Variants in PATJ observed in about 807,000 individuals in gnomAD.
The protein encoded by PATJ is PATJ crumbs cell polarity complex component.
In PATJ, 190 loss-of-function variants were observed where a neutral mutation model predicts 224.9. That is an observed-to-expected ratio of 0.84 (90% CI 0.75 to 0.95). The LOEUF (loss-of-function observed/expected upper bound fraction) is 0.95. Ranked by LOEUF, PATJ falls within the 40% of genes least tolerant of loss-of-function variation. The pLI is 0.00. For missense variants in PATJ, 2,121 were observed against 2,270.3 expected, an observed-to-expected ratio of 0.93 and a Z score of 1.34; for synonymous variants, 769 against 820.3, an observed-to-expected ratio of 0.94 and a Z score of 1.07.
At chr1:62,129,026 C>T in intron 41 of PATJ, 81 bp downstream of exon 41, 1 of 831,676 alleles carries the variant, frequency 1.2e-6, no homozygotes, top group Non-Finnish European at 2.0e-6. Context: ...TGGCAGTAGA[C>T]ATCGCCACCC....
At chr1:61,848,962 A>G (rs199939381) in intron 17 of PATJ, among the ~76,000 whole-genome samples, 1 of 152,202 alleles carries the variant, frequency 6.6e-6, no homozygotes, top group East Asian at 1.9e-4. Flanking sequence ...TTACAGAGCT[A>G]ACTATTCATG....
chr1:61,956,995 T>C (rs1482657561), intron 27 of PATJ, among the ~76,000 whole-genome samples: 3 of 152,332 alleles, frequency 2.0e-5, no homozygotes, highest in Middle Eastern at 3.4e-3. Flanking sequence ...CTCCTGTTTC[T>C]TTCGCTTTGC....
At chr1:61,821,334 A>G (rs1657229184) in intron 14 of PATJ, among the ~76,000 whole-genome samples, 2 of 152,314 alleles carry the variant, frequency 1.3e-5, no homozygotes, top group African/African-American at 2.4e-5. Context: ...GTGAGCTATC[A>G]TGCCCGGCCG....
intron 27 of PATJ, among the ~76,000 whole-genome samples, chr1:61,974,446 T>A: frequency 7.3e-6 from 1 of 137,526 alleles, no homozygotes; most frequent in Admixed American, 8.2e-5. Context: ...AGAGTTTCGC[T>A]CTTGTTGCCA....
intron 17 of PATJ, among the ~76,000 whole-genome samples, chr1:61,851,606 A>T (rs1662813990): frequency 6.6e-6 from 1 of 152,180 alleles, no homozygotes; most frequent in South Asian, 2.1e-4. Flanking sequence ...TTTATCTTGA[A>T]GGCAGTAGGT....
Position 62,024,967 on chromosome 1 carries a change from G to C in PATJ, c.3959+7020G>C, listed in dbSNP as rs143994379. Among the ~76,000 whole-genome samples, 205 of 152,194 alleles carry C rather than the reference G, an allele frequency of 1.3e-3. 2 individuals carry two copies. The highest frequency in any genetic ancestry group is 3.4e-3 in the Middle Eastern group (1 of 294). ...CTGTTTCCTACTTCCTTGTCCTCTG[G>C]AAGTCTCTTAGTTCCCAACTGTCCC... On this transcript the variant is annotated intron_variant, in intron 29 of 43. Transcript: ENST00000642238.
At chr1:62,030,943 G>T (rs1011830871) in intron 29 of PATJ, among the ~76,000 whole-genome samples, 2 of 152,122 alleles carry the variant, frequency 1.3e-5, no homozygotes, top group African/African-American at 4.8e-5. Context: ...GTTGTTTCCA[G>T]TTTTTAGTTA....
Position 62,091,390 on chromosome 1 carries a change from G to T in PATJ, c.4377+6742G>T, listed in dbSNP as rs77579908. Among the ~76,000 whole-genome samples the T allele has an allele frequency of 3.1e-3, 466 of 152,256 alleles. 18 individuals are homozygous for T. In the East Asian group the frequency reaches 0.079, roughly 26 times the overall value. On this transcript the variant is annotated intron_variant, in intron 33 of 43. Transcript: ENST00000642238. ...TCTGCTTCTTCATTTGTGCCACTGT[G>T]GTGATAACAAAAATCTACCTCTTAA...
At chr1:61,975,068 C>T (rs1644056306) in intron 27 of PATJ, among the ~76,000 whole-genome samples, 1 of 152,030 alleles carries the variant, frequency 6.6e-6, no homozygotes, top group South Asian at 2.1e-4. Flanking sequence ...CTTCAGCCTC[C>T]TGAGTAGCTG....
intron 21 of PATJ, among the ~76,000 whole-genome samples, chr1:61,879,997 C>T (rs1667875517): frequency 6.6e-6 from 1 of 152,230 alleles, no homozygotes. Flanking sequence ...CGCCACCACA[C>T]CTGGCTAATT....
intron 27 of PATJ, among the ~76,000 whole-genome samples, chr1:61,954,612 G>C (rs1046200948): frequency 1.4e-3 from 206 of 152,242 alleles, no homozygotes; most frequent in African/African-American, 4.7e-3. Flanking sequence ...TGCAGAGACT[G>C]CCTCTTTTTT....
intron 27 of PATJ, among the ~76,000 whole-genome samples, chr1:61,961,287 A>G (rs1212720722): frequency 1.3e-5 from 2 of 152,172 alleles, no homozygotes; most frequent in East Asian, 3.9e-4. Flanking sequence ...CAGTGTACAT[A>G]CTGCACAACC....
At chr1:61,954,108 G>C (rs1217337177) in intron 27 of PATJ, among the ~76,000 whole-genome samples, 1 of 152,142 alleles carries the variant, frequency 6.6e-6, no homozygotes, top group East Asian at 1.9e-4. Flanking sequence ...TACTTTTTCA[G>C]TGTTCATGAT....
At chr1:62,100,558 G>T (rs1183544308) in intron 33 of PATJ, 2 of 560,232 alleles carry the variant, frequency 3.6e-6, no homozygotes, top group South Asian at 2.7e-5. Flanking sequence ...TGTCACAATG[G>T]CAATTAAATT....
intron 24 of PATJ, among the ~76,000 whole-genome samples, chr1:61,904,356 C>T (rs1434564019): frequency 6.6e-6 from 1 of 152,026 alleles, no homozygotes; most frequent in African/African-American, 2.4e-5. Flanking sequence ...CACTCGGTCA[C>T]CTCCAATTTT....
At position 61,894,031 on chromosome 1, in the gene PATJ, G is replaced by A. The variant is rs973357136; in HGVS notation, c.3132-5552G>A. On this transcript the variant is annotated intron_variant, in intron 22 of 43. Coordinates refer to ENST00000642238, the MANE Select transcript of PATJ (RefSeq NM_001350145.3). ...GCACTTCGGGAGGCTGAGGCGGGCA[G>A]ATCACCTGAGGTCAAGAGTTCAAGA... Among the ~76,000 whole-genome samples, 3 of 151,818 alleles carry A rather than the reference G, an allele frequency of 2.0e-5. No homozygotes were observed. In the East Asian group the frequency reaches 5.8e-4, roughly 29 times the overall value.
intron 42 of PATJ, among the ~76,000 whole-genome samples, chr1:62,150,496 C>CTTAAGAGAACTGGAGCCAGTT (rs529628337): frequency 6.6e-5 from 10 of 151,742 alleles, no homozygotes; most frequent in African/African-American, 9.7e-5. Flanking sequence ...GATGCTTAAG[C>CTTAAGAGAACTGGAGCCAGTT]TTAAGAGAAC....
intron 27 of PATJ, among the ~76,000 whole-genome samples, chr1:61,946,714 T>G (rs539293959): frequency 6.6e-6 from 1 of 152,328 alleles, no homozygotes; most frequent in East Asian, 1.9e-4. Context: ...CTAATTCATT[T>G]TATGTGGCCA....
intron 17 of PATJ, among the ~76,000 whole-genome samples, chr1:61,854,473 A>G (rs146635191): frequency 1.1e-3 from 165 of 152,292 alleles, no homozygotes; most frequent in African/African-American, 3.8e-3. Flanking sequence ...TAAGATGGCC[A>G]TATGAATATT....
Sources: gnomAD v4.1 joint callset for allele counts (sites outside exome capture counted in the v4.1 genomes callset) on GRCh38, gnomAD v4.1.1 for gene constraint, MANE v1.5 for transcripts, NCBI Gene and HGNC (gene_info 2026-07-23, HGNC 2026-07-21) for gene names.